EYS: variants seen among roughly 807,000 people sequenced by gnomAD.
EYS encodes the protein protein eyes shut homolog.
A neutral mutation model predicts 282.1 loss-of-function variants in EYS; 250 were observed. The observed-to-expected ratio is 0.89, with a 90% CI of 0.80 to 0.98. EYS has a LOEUF of 0.98. Among genes scored for constraint, EYS ranks in the 50% least tolerant of loss-of-function variants. EYS has a pLI of 0.00. For synonymous variants in EYS, 1,355 were observed against 1,282.9 expected, an observed-to-expected ratio of 1.06 and a Z score of -1.20; for missense variants, 4,016 against 3,709.0, an observed-to-expected ratio of 1.08 and a Z score of -2.15.
At chr6:65,030,720 G>A (rs558826240) in intron 13 of EYS, among the ~76,000 whole-genome samples, 14 of 152,290 alleles carry the variant, frequency 9.2e-5, no homozygotes, top group African/African-American at 3.4e-4. Context: ...CCTGTTAGTA[G>A]CCCTTCAGGG....
At chr6:63,850,149 CAG>C (rs1330400950) in intron 36 of EYS, among the ~76,000 whole-genome samples, 1 of 152,090 alleles carries the variant, frequency 6.6e-6, no homozygotes, top group Non-Finnish European at 1.5e-5. Flanking sequence ...AAGGAACAAA[CAG>C]AGCCTCCAAG....
intron 26 of EYS, among the ~76,000 whole-genome samples, chr6:64,582,479 T>C (rs1013999465): frequency 6.6e-6 from 1 of 152,120 alleles, no homozygotes. Context: ...ACTGCTGATG[T>C]ACATGAATTG....
intron 1 of EYS, among the ~76,000 whole-genome samples, chr6:65,650,211 A>T (rs189779691): frequency 6.6e-6 from 1 of 152,182 alleles, no homozygotes; most frequent in South Asian, 2.1e-4. Flanking sequence ...TATCTATACC[A>T]TATAATACTT....
intron 37 of EYS, among the ~76,000 whole-genome samples, chr6:63,796,587 A>T (rs1770650260): frequency 6.6e-6 from 1 of 152,236 alleles, no homozygotes; most frequent in Non-Finnish European, 1.5e-5. Flanking sequence ...TCAAACTATT[A>T]TTCTAATATG....
intron 8 of EYS, among the ~76,000 whole-genome samples, chr6:65,368,943 T>C (rs1765021733): frequency 6.6e-6 from 1 of 151,446 alleles, no homozygotes; most frequent in African/African-American, 2.4e-5. Context: ...CGTATGGTAT[T>C]ATTGAAGCTA....
At position 63,720,697 on chromosome 6, in the gene EYS, T is replaced by C. The variant is rs1267963237; in HGVS notation, c.9334A>G (p.Ile3112Val). Reference sequence around the variant, plus strand: ...TCCTGAAAAAATACAACATCTTTAATTTTGCCAACAAAATTGGTTTTAAAA... The same window carrying C: ...TCCTGAAAAAATACAACATCTTTAACTTTGCCAACAAAATTGGTTTTAAAA... ...EIFKTNFVGK[I>V]KDVVFFQEPK... Residue 3112 changes from isoleucine (I) to valine (V), a missense_variant, in exon 43 of 43, where the codon ATT (isoleucine) becomes GTT (valine). Coordinates refer to ENST00000503581, the MANE Select transcript of EYS (RefSeq NM_001142800.2). 2.6e-6 allele frequency: 4 copies of C among 1,548,440 alleles called. No homozygotes were observed. The South Asian group carries it at 3.6e-5, about 14-fold the overall frequency.
chr6:64,090,143 A>G (rs1285996268), intron 31 of EYS, among the ~76,000 whole-genome samples: 1 of 152,126 alleles, frequency 6.6e-6, no homozygotes, highest in Non-Finnish European at 1.5e-5. Context: ...GAAAGGTATG[A>G]AAAACTATCA....
At chr6:65,612,350 G>A (rs554134529) in intron 2 of EYS, among the ~76,000 whole-genome samples, 7 of 151,518 alleles carry the variant, frequency 4.6e-5, no homozygotes, top group South Asian at 2.1e-4. Flanking sequence ...ATACTGATTC[G>A]GATTGTTGTT....
chr6:65,322,795 CAAAAAA>C (rs57571912), intron 11 of EYS, among the ~76,000 whole-genome samples: 1,130 of 71,566 alleles, frequency 0.016, 9 homozygotes, highest in Middle Eastern at 0.038. Context: ...GAATCCGTCT[CAAAAAA>C]AAAAAAAAAA....
intron 29 of EYS, among the ~76,000 whole-genome samples, chr6:64,346,332 G>T (rs999841962): frequency 2.6e-5 from 4 of 152,034 alleles, no homozygotes; most frequent in African/African-American, 7.2e-5. Flanking sequence ...ACTGGATTAA[G>T]AAAATGTGTC....
chr6:63,968,685 A>G (rs1766417572), intron 35 of EYS, among the ~76,000 whole-genome samples: 1 of 152,212 alleles, frequency 6.6e-6, no homozygotes, highest in Non-Finnish European at 1.5e-5. Context: ...AACTCTAATA[A>G]AAGACTCTCC....
At chr6:65,618,133 CT>C (rs1252766495) in intron 2 of EYS, among the ~76,000 whole-genome samples, 58 of 152,128 alleles carry the variant, frequency 3.8e-4, no homozygotes, top group African/African-American at 1.4e-3. Flanking sequence ...GCCACACTGA[CT>C]TCCACAATGG....
chr6:64,318,348 G>T (rs904844284), intron 29 of EYS, among the ~76,000 whole-genome samples: 1 of 151,944 alleles, frequency 6.6e-6, no homozygotes, highest in South Asian at 2.1e-4. Context: ...GAAAGTTGAA[G>T]TCAGTGGATT....
chr6:64,293,254 G>A (rs1290615659), intron 30 of EYS, among the ~76,000 whole-genome samples: 1 of 152,030 alleles, frequency 6.6e-6, no homozygotes, highest in East Asian at 1.9e-4. Flanking sequence ...TAAAATGAAT[G>A]TTTGCTTAAA....
intron 35 of EYS, among the ~76,000 whole-genome samples, chr6:63,941,629 A>G (rs1467044590): frequency 6.6e-6 from 1 of 152,178 alleles, no homozygotes; most frequent in Non-Finnish European, 1.5e-5. Flanking sequence ...TATTCTGGAA[A>G]AAAATGCCAC....
At chr6:65,522,627 A>C (rs1884374) in intron 2 of EYS, among the ~76,000 whole-genome samples, 62,720 of 151,980 alleles carry the variant, frequency 0.41, 13,759 homozygotes, top group African/African-American at 0.57. Context: ...ATACTTTAAG[A>C]ATTTCAATGC....
At chr6:64,867,663 A>T (rs1437875617) in intron 19 of EYS, among the ~76,000 whole-genome samples, 1 of 151,686 alleles carries the variant, frequency 6.6e-6, no homozygotes, top group Admixed American at 6.6e-5. Flanking sequence ...TTATTATAGT[A>T]TGTGGTCCAA....
At chr6:65,379,818 C>A (rs528746919) in intron 8 of EYS, among the ~76,000 whole-genome samples, 2 of 151,728 alleles carry the variant, frequency 1.3e-5, no homozygotes, top group South Asian at 2.1e-4. Context: ...TCCTATACAC[C>A]ATTAACAGAC....
intron 2 of EYS, among the ~76,000 whole-genome samples, chr6:65,566,797 A>C (rs1769295838): frequency 6.6e-6 from 1 of 152,186 alleles, no homozygotes. Context: ...CTCTAGGTTT[A>C]TATGATTTAG....
Sources: allele counts gnomAD v4.1 joint callset (sites outside exome capture counted in the v4.1 genomes callset), GRCh38; gene constraint gnomAD v4.1.1; transcripts MANE v1.5; gene names NCBI Gene and HGNC (gene_info 2026-07-23, HGNC 2026-07-21).